The following AGGF1 variants were observed in gnomAD, a reference collection of about 807,000 sequenced individuals.
AGGF1 encodes the protein angiogenic factor with G-patch and FHA domains 1.
Under a neutral mutation model 86.5 loss-of-function variants are expected in AGGF1, and 56 were observed. That is an observed-to-expected ratio of 0.65 (90% CI 0.52 to 0.81). AGGF1 has a LOEUF of 0.81. AGGF1 is among the 30% of genes least tolerant of loss of function. The pLI is 0.00. For synonymous variants in AGGF1, 313 were observed against 297.1 expected (o/e 1.05, Z -0.55); for missense variants, 816 against 850.9 (o/e 0.96, Z 0.51).
chr5:77,061,201 G>A (rs369365752), intron 12 of AGGF1, among the ~76,000 whole-genome samples: 1 of 152,238 alleles, frequency 6.6e-6, no homozygotes, highest in African/African-American at 2.4e-5. Flanking sequence ...AACCCCAGAA[G>A]CTTATTCTCC....
rs553374498 is a variant in AGGF1, at chr5:77,048,840, T to G, written c.1314-96T>G. The G allele has an allele frequency of 4.5e-5, 51 of 1,131,742 alleles. No homozygotes were observed. In the Admixed American group the frequency reaches 8.6e-4, roughly 19 times the overall value. The allele number at this position is 1,131,742 out of a possible 1,614,324, so 70.1% of individuals were successfully genotyped here. ...CCAGGAGATTTACTGTTGATAGACG[T>G]GTATTTTAACATTATCTGTTTTTTA... On this transcript the variant is annotated intron_variant, in intron 7 of 13. Transcript: ENST00000312916.
rs1747613872 is a variant in AGGF1 at position 77,063,855 on chromosome 5, T to A, written c.*603T>A. On this transcript the variant is annotated 3_prime_UTR_variant, in exon 14 of 14. Transcript: ENST00000312916. ...GTGAAGAATCTGTTGCTATGTACTGTATATTCAGCATTTATATTTGGTTTG... is the reference window on the plus strand; with the variant it reads ...GTGAAGAATCTGTTGCTATGTACTGAATATTCAGCATTTATATTTGGTTTG... 6.5e-6 allele frequency: 1 copy of A among 154,270 alleles called. No individual in the cohort carries two copies. Among genetic ancestry groups the A allele is most frequent in the Non-Finnish European group, 1.4e-5 (1 of 69,246 alleles). 9.6% of individuals were successfully genotyped at this position (154,270 alleles called of 1,614,324 possible).
intron 3 of AGGF1, chr5:77,036,207 T>C (rs1746964801): frequency 3.6e-6 from 1 of 277,354 alleles, no homozygotes; most frequent in Non-Finnish European, 6.8e-6. Flanking sequence ...TTTGTCTTTT[T>C]GAAATTTTTT....
intron 8 of AGGF1, 93 bp downstream of exon 8, chr5:77,049,080 A>C: frequency 7.9e-7 from 1 of 1,260,920 alleles, no homozygotes; most frequent in South Asian, 1.2e-5. Flanking sequence ...CTCATTTAAT[A>C]GGAAGGTTAA....
chr5:77,062,886 T>C (rs1288337890), intron 13 of AGGF1, among the ~76,000 whole-genome samples, 166 bp from the exon 14 acceptor site: 3 of 152,208 alleles, frequency 2.0e-5, no homozygotes, highest in Non-Finnish European at 2.9e-5. Flanking sequence ...GTAAGTTCCA[T>C]GTATAAAGGT....
intron 5 of AGGF1, among the ~76,000 whole-genome samples, chr5:77,045,212 A>C (rs1210535583): frequency 6.6e-6 from 1 of 152,214 alleles, no homozygotes; most frequent in Admixed American, 6.5e-5. Context: ...ATGGAAAATA[A>C]TTATTTACTT....
chr5:77,043,659 G>A (rs1306642923), intron 5 of AGGF1, among the ~76,000 whole-genome samples: 2 of 141,532 alleles, frequency 1.4e-5, no homozygotes, highest in African/African-American at 2.6e-5. Flanking sequence ...CGGATGGGGC[G>A]GCTGGCCGGG....
chr5:77,044,690 C>A (rs1008893632), intron 5 of AGGF1, among the ~76,000 whole-genome samples: 7 of 152,102 alleles, frequency 4.6e-5, no homozygotes, highest in Non-Finnish European at 7.4e-5. Flanking sequence ...AATGTAAAAG[C>A]TCCTCATGGT....
At chr5:77,037,438 T>C (rs187311565) in intron 4 of AGGF1, among the ~76,000 whole-genome samples, 1 of 152,348 alleles carries the variant, frequency 6.6e-6, no homozygotes, top group Non-Finnish European at 1.5e-5. Context: ...ATGTTTATTA[T>C]TAGCCAGTGT....
intron 3 of AGGF1, chr5:77,036,204 T>G (rs1484382499): frequency 1.5e-5 from 4 of 275,046 alleles, no homozygotes; most frequent in African/African-American, 2.3e-5. Context: ...TCATTTGTCT[T>G]TTTGAAATTT....
At chr5:77,043,010 A>C (rs1303645479) in intron 5 of AGGF1, among the ~76,000 whole-genome samples, 13 of 30,094 alleles carry the variant, frequency 4.3e-4, no homozygotes, top group African/African-American at 7.9e-4. Context: ...CGGGGGGCCG[A>C]CCCCCCCACC....
chr5:77,032,563 CAA>C (rs4025997), intron 1 of AGGF1, among the ~76,000 whole-genome samples: 2,023 of 94,030 alleles, frequency 0.022, 38 homozygotes, highest in African/African-American at 0.087. Context: ...GACTCCGTCT[CAA>C]AAAAAAAAAA....
intron 8 of AGGF1, among the ~76,000 whole-genome samples, chr5:77,050,407 C>T (rs1461616227): frequency 6.9e-6 from 1 of 144,362 alleles, no homozygotes; most frequent in African/African-American, 2.6e-5. Context: ...CTGACACCTC[C>T]TGGGCTTAAG....
Position 77,035,582 on chromosome 5 carries a change from A to G in AGGF1, c.355A>G (p.Asn119Asp), listed in dbSNP as rs1164688731. ...QTYYNDVSLP[N>D]KVTELSDQQD... ...GTACTACAATGACGTTAGTCTTCCA[A>G]ATAAAGTGACTGAACTGTCAGATCA... The change falls in exon 3 of 14, where the codon AAT becomes GAT. Residue 119 changes from asparagine to aspartate, a missense_variant. Around this residue, in one of 3 missense-constraint regions of AGGF1, gnomAD observed 240 missense variants for 234.4 expected, o/e 1.02. Transcript: ENST00000312916. The G allele has an allele frequency of 4.3e-6, 7 of 1,613,384 alleles. No homozygotes were observed. The highest frequency in any genetic ancestry group is 2.2e-5 in the East Asian group (1 of 44,790).
At position 77,042,490 on chromosome 5, in the gene AGGF1, G is replaced by A. The variant is rs1402459632; in HGVS notation, c.870+2771G>A. Among the ~76,000 whole-genome samples the A allele has an allele frequency of 6.5e-3, 342 of 52,764 alleles. 1 individual carries two copies. The highest frequency in any genetic ancestry group is 0.018 in the African/African-American group (324 of 18,294). The allele number at this position is 52,764 out of a possible 152,430, so 34.6% of individuals were successfully genotyped here. On this transcript the variant is annotated intron_variant, in intron 5 of 13. Transcript: ENST00000312916. ...GACGGGGCGGCTGGCCGGGCGGGGGGCTGACCCCCCCCACCTCCCTCCCGG... is the reference window on the plus strand; with the variant it reads ...GACGGGGCGGCTGGCCGGGCGGGGGACTGACCCCCCCCACCTCCCTCCCGG...
At chr5:77,036,074 A>G (rs1746962628) in intron 3 of AGGF1, 1 of 289,054 alleles carries the variant, frequency 3.5e-6, no homozygotes, top group African/African-American at 2.2e-5. Context: ...ATGTTCCTTT[A>G]TGTCAGATAC....
In AGGF1 at chr5:77,030,507, G is replaced by A; in HGVS notation, c.-260G>A. On this transcript the variant is annotated 5_prime_UTR_variant, in exon 1 of 14. Coordinates refer to ENST00000312916, the MANE Select transcript of AGGF1 (RefSeq NM_018046.5). Reference sequence around the variant, plus strand: ...TCCCTCTGTCTCTGTAGCTGGAGAAGGTAGTTTCCAGGAAAGTTTTCCGGT... The same window carrying A: ...TCCCTCTGTCTCTGTAGCTGGAGAAAGTAGTTTCCAGGAAAGTTTTCCGGT... The A allele has an allele frequency of 3.0e-6, 2 of 667,032 alleles. No individual in the cohort carries two copies. Among genetic ancestry groups the A allele is most frequent in the Non-Finnish European group, 5.5e-6 (2 of 362,566 alleles). 41.3% of individuals were successfully genotyped at this position (667,032 alleles called of 1,614,324 possible).
intron 5 of AGGF1, among the ~76,000 whole-genome samples, chr5:77,043,721 G>A (rs1386763217): frequency 1.4e-5 from 2 of 139,150 alleles, no homozygotes; most frequent in African/African-American, 2.6e-5. Flanking sequence ...CTGCCGGGCG[G>A]AGACGCTCCT....
Position 77,052,738 on chromosome 5 carries a change from A to G in AGGF1, c.1398A>G (p.Leu466=). 1.9e-6 allele frequency: 3 copies of G among 1,613,708 alleles called. No homozygotes were observed. Among genetic ancestry groups the G allele is most frequent in the Non-Finnish European group, 2.5e-6 (3 of 1,179,780 alleles). The change falls in exon 9 of 14, where the codon TTA becomes TTG. Residue 466 remains leucine (L), a synonymous_variant. Transcript: ENST00000312916. ...CAGAAATTTATTTTGACCATGACTT[A>G]CAAAGTTATGTCCTTGTGGATCAAG... is the stretch of plus-strand genomic sequence containing the variant. The part of the protein sequence containing the change: ...FHAEIYFDHD[L]QSYVLVDQGS...
Sources: gnomAD v4.1 joint callset for allele counts (sites outside exome capture counted in the v4.1 genomes callset) on GRCh38, gnomAD v4.1.1 for gene constraint, gnomAD v4.1.1 regional missense constraint, MANE v1.5 for transcripts, NCBI Gene and HGNC (gene_info 2026-07-23, HGNC 2026-07-21) for gene names.